The following LRRTM4 variants were observed in gnomAD, a reference collection of about 807,000 sequenced individuals.
The protein encoded by LRRTM4 is leucine-rich repeat transmembrane neuronal protein 4.
LRRTM4 carries 25 observed loss-of-function variants against 47.6 expected under a neutral mutation model. The ratio of observed to expected loss-of-function variants is 0.53; its 90% CI spans 0.38 to 0.73. LRRTM4 has a LOEUF of 0.73. Among genes scored for constraint, LRRTM4 ranks in the 30% least tolerant of loss-of-function variants. The pLI, the probability that LRRTM4 is intolerant of heterozygous loss-of-function variation, is 0.00. For missense variants in LRRTM4, 638 were observed against 713.4 expected (o/e 0.89, Z 1.20); for synonymous variants, 311 against 269.5 (o/e 1.15, Z -1.51).
At chr2:76,793,650 A>G (rs1046687173) in intron 3 of LRRTM4, among the ~76,000 whole-genome samples, 7 of 152,146 alleles carry the variant, frequency 4.6e-5, no homozygotes, top group African/African-American at 1.7e-4. Context: ...AAAAGAGGGA[A>G]CACAGGATAT....
chr2:76,774,502 C>T (rs1375577005), intron 3 of LRRTM4, among the ~76,000 whole-genome samples: 1 of 151,946 alleles, frequency 6.6e-6, no homozygotes, highest in Non-Finnish European at 1.5e-5. Flanking sequence ...TAAAAGAGAA[C>T]ATTATTAAGA....
chr2:77,406,544 C>T (rs1178262128), intron 3 of LRRTM4, among the ~76,000 whole-genome samples: 1 of 152,042 alleles, frequency 6.6e-6, no homozygotes, highest in Non-Finnish European at 1.5e-5. Context: ...TCAAGTTATC[C>T]TCCAACTTCG....
intron 3 of LRRTM4, among the ~76,000 whole-genome samples, chr2:77,168,716 C>G (rs970667855): frequency 6.6e-6 from 1 of 152,078 alleles, no homozygotes; most frequent in Non-Finnish European, 1.5e-5. Context: ...TCCTTCCCAC[C>G]TTTTGAAAAG....
chr2:77,075,771 C>T (rs995372732), intron 3 of LRRTM4, among the ~76,000 whole-genome samples: 5 of 149,862 alleles, frequency 3.3e-5, no homozygotes, highest in Non-Finnish European at 7.4e-5. Flanking sequence ...AAAAATTAGC[C>T]GGGCGTAGTG....
At chr2:77,345,759 A>G (rs1671537250) in intron 3 of LRRTM4, among the ~76,000 whole-genome samples, 1 of 151,834 alleles carries the variant, frequency 6.6e-6, no homozygotes, top group Non-Finnish European at 1.5e-5. Flanking sequence ...TTAAAGTTAA[A>G]TATACATTCA....
chr2:76,921,723 C>A (rs1337492328), intron 3 of LRRTM4, among the ~76,000 whole-genome samples: 1 of 151,872 alleles, frequency 6.6e-6, no homozygotes, highest in Non-Finnish European at 1.5e-5. Flanking sequence ...CTCCTATATC[C>A]CTTTAATATT....
chr2:77,321,561 G>A (rs1009826154), intron 3 of LRRTM4, among the ~76,000 whole-genome samples: 2 of 97,940 alleles, frequency 2.0e-5, no homozygotes, highest in Admixed American at 1.3e-4. Flanking sequence ...GAGGGGGGGG[G>A]GTGTGTGAAA....
intron 3 of LRRTM4, among the ~76,000 whole-genome samples, chr2:77,033,462 G>A (rs1323807649): frequency 6.6e-6 from 1 of 151,788 alleles, no homozygotes; most frequent in Non-Finnish European, 1.5e-5. Context: ...TATTGTATAT[G>A]ATATCGGCCA....
intron 3 of LRRTM4, among the ~76,000 whole-genome samples, chr2:77,413,553 C>CAT (rs1674521833): frequency 6.6e-6 from 1 of 152,162 alleles, no homozygotes; most frequent in Non-Finnish European, 1.5e-5. Flanking sequence ...GTCCATCTGG[C>CAT]TTAAGCCAAC....
At chr2:77,265,996 TA>T (rs2104054684) in intron 3 of LRRTM4, among the ~76,000 whole-genome samples, 1 of 152,312 alleles carries the variant, frequency 6.6e-6, no homozygotes, top group South Asian at 2.1e-4. Context: ...CAGAGGTTGG[TA>T]AATTGTGGCC....
At position 77,035,666 on chromosome 2, in the gene LRRTM4, T is replaced by C. The variant is rs114210233; in HGVS notation, c.1552-286750A>G. Among the ~76,000 whole-genome samples the C allele has an allele frequency of 7.2e-3, 1,101 of 152,068 alleles. 11 individuals are homozygous for C. The highest frequency in any genetic ancestry group is 0.025 in the African/African-American group (1,042 of 41,542). On this transcript the variant is annotated intron_variant, in intron 3 of 3. Coordinates refer to ENST00000409884, the MANE Select transcript of LRRTM4 (RefSeq NM_001134745.3). ...AGTAACTTTTTGGAATTGACTTTTT[T>C]CACTCAGCATAATTCTCTGGACATC...
chr2:77,288,347 A>G (rs942480357), intron 3 of LRRTM4, among the ~76,000 whole-genome samples: 7 of 151,968 alleles, frequency 4.6e-5, no homozygotes, highest in Non-Finnish European at 8.8e-5. Flanking sequence ...AATGATATGA[A>G]AAACTTGTTT....
chr2:76,936,426 G>A (rs552071374), intron 3 of LRRTM4, among the ~76,000 whole-genome samples: 1 of 151,636 alleles, frequency 6.6e-6, no homozygotes, highest in South Asian at 2.1e-4. Flanking sequence ...ATCACACACT[G>A]GGGCCTGTTG....
chr2:76,967,765 C>G (rs1676077125), intron 3 of LRRTM4, among the ~76,000 whole-genome samples: 1 of 151,398 alleles, frequency 6.6e-6, no homozygotes, highest in Non-Finnish European at 1.5e-5. Flanking sequence ...ATTTATTTTT[C>G]TTTGAGAAGC....
intron 3 of LRRTM4, among the ~76,000 whole-genome samples, chr2:77,058,374 A>T (rs574241221): frequency 8.5e-5 from 13 of 152,290 alleles, no homozygotes; most frequent in African/African-American, 2.9e-4. Flanking sequence ...CTACTGGCGA[A>T]TTGGGGAGTA....
At chr2:77,018,632 A>G (rs1678159406) in intron 3 of LRRTM4, among the ~76,000 whole-genome samples, 1 of 152,224 alleles carries the variant, frequency 6.6e-6, no homozygotes, top group South Asian at 2.1e-4. Context: ...GATAAGAAAT[A>G]TAAACATCAT....
intron 3 of LRRTM4, among the ~76,000 whole-genome samples, chr2:76,934,264 G>A (rs1451347739): frequency 6.6e-6 from 1 of 152,090 alleles, no homozygotes; most frequent in Non-Finnish European, 1.5e-5. Context: ...ACACACATAT[G>A]TATAACTTTA....
intron 3 of LRRTM4, among the ~76,000 whole-genome samples, chr2:77,363,202 T>C (rs1672307751): frequency 6.6e-6 from 1 of 152,222 alleles, no homozygotes; most frequent in Non-Finnish European, 1.5e-5. Context: ...ACAGTAAATT[T>C]TACCGTGGCT....
At chr2:77,249,594 T>C (rs1024373285) in intron 3 of LRRTM4, among the ~76,000 whole-genome samples, 1 of 151,602 alleles carries the variant, frequency 6.6e-6, no homozygotes, top group Non-Finnish European at 1.5e-5. Context: ...CATAAGAAAA[T>C]GGAAATTAAA....
Sources: allele counts gnomAD v4.1 joint callset (sites outside exome capture counted in the v4.1 genomes callset), GRCh38; gene constraint gnomAD v4.1.1; transcripts MANE v1.5; gene names NCBI Gene and HGNC (gene_info 2026-07-23, HGNC 2026-07-21).